FBXO47: variants seen among roughly 807,000 people sequenced by gnomAD.
FBXO47 encodes the protein F-box protein 47.
FBXO47 carries 34 observed loss-of-function variants against 53.9 expected under a neutral mutation model. That is an observed-to-expected ratio of 0.63 (90% CI 0.48 to 0.84). The LOEUF (loss-of-function observed/expected upper bound fraction) is 0.84. Among genes scored for constraint, FBXO47 ranks in the 40% least tolerant of loss-of-function variants. FBXO47 has a pLI of 0.00. For synonymous variants in FBXO47, 165 were observed against 181.6 expected, an observed-to-expected ratio of 0.91 and a Z score of 0.73; for missense variants, 485 against 541.3, an observed-to-expected ratio of 0.90 and a Z score of 1.03.
rs755724306 is a variant in FBXO47, at chr17:38,965,571, TATC to T, written c.-27+1655_-27+1657del. 4.6e-5 allele frequency among the ~76,000 whole-genome samples: 7 copies of T among 151,832 alleles called. 1 individual carries two copies. In the South Asian group the frequency reaches 1.5e-3, roughly 32 times the overall value. On this transcript the variant is annotated intron_variant, in intron 1 of 10. Coordinates refer to ENST00000378079, the MANE Select transcript of FBXO47 (RefSeq NM_001008777.3). ...CTTAAATTAGGAGGTATTTTAAAAT[TATC>T]ATTAAAATTACACAAATAGGCCGGG...
chr17:38,951,434 T>A, intron 6 of FBXO47, 147 bp downstream of exon 6: 1 of 550,866 alleles, frequency 1.8e-6, no homozygotes, highest in Non-Finnish European at 3.2e-6. Context: ...ACTCAAGTGA[T>A]CCTCCCACCT....
At chr17:38,941,620 T>TTTTATATATATATATATATATA (rs1555560016) in intron 9 of FBXO47, among the ~76,000 whole-genome samples, 1 of 115,180 alleles carries the variant, frequency 8.7e-6, no homozygotes, top group African/African-American at 3.1e-5. Flanking sequence ...AAATATAATA[T>TTTTATATATATATATATATATA]TATATATATA....
At chr17:38,946,732 AAAT>A (rs375548440) in intron 6 of FBXO47, among the ~76,000 whole-genome samples, 7 of 98 alleles carry the variant, frequency 0.071, 3 homozygotes, top group East Asian at 0.58. Flanking sequence ...AAATATATAT[AAAT>A]ATATATAAAT....
intron 9 of FBXO47, among the ~76,000 whole-genome samples, chr17:38,940,708 C>T (rs547608993): frequency 5.9e-5 from 9 of 152,074 alleles, no homozygotes; most frequent in African/African-American, 2.2e-4. Flanking sequence ...CAGGGTCTCC[C>T]TCTGCTATGC....
At chr17:38,939,774 T>C (rs912263535) in intron 9 of FBXO47, among the ~76,000 whole-genome samples, 1 of 148,544 alleles carries the variant, frequency 6.7e-6, no homozygotes, top group African/African-American at 2.5e-5. Flanking sequence ...TTCACGCCAT[T>C]CTCCTGCCTC....
intron 3 of FBXO47, among the ~76,000 whole-genome samples, chr17:38,960,630 CTTT>C (rs947161295): frequency 3.8e-5 from 5 of 132,506 alleles, no homozygotes; most frequent in African/African-American, 5.6e-5. Context: ...AATTCTTTCT[CTTT>C]TTTTTTTTTT....
At chr17:38,944,191 ATGTGTGTGTGTGTGTGTGTG>A (rs71141737) in intron 7 of FBXO47, among the ~76,000 whole-genome samples, 2 of 133,614 alleles carry the variant, frequency 1.5e-5, no homozygotes, top group Non-Finnish European at 3.2e-5. Flanking sequence ...CAAAAAAAAC[ATGTGTGTGTGTGTGTGTGTG>A]TGTGTGTGTG....
chr17:38,942,568 T>G (rs1173655612), intron 9 of FBXO47, among the ~76,000 whole-genome samples: 1 of 152,172 alleles, frequency 6.6e-6, no homozygotes, highest in Non-Finnish European at 1.5e-5. Flanking sequence ...CACTCCAGCC[T>G]GGACAAAAGA....
chr17:38,941,569 G>A (rs1293954697), intron 9 of FBXO47, among the ~76,000 whole-genome samples: 2 of 146,672 alleles, frequency 1.4e-5, no homozygotes, highest in Non-Finnish European at 3.0e-5. Context: ...ATGGCCCATA[G>A]TAAGCACTCA....
Position 38,936,699 on chromosome 17 carries a change from G to GC in FBXO47, c.*475_*476insG, listed in dbSNP as rs1915589402. ...TTTGTAAGCATATGCCAAGAAGGTAGTAAAAACTGTGATTTGTATTCTACA... is the reference window on the plus strand; with the variant it reads ...TTTGTAAGCATATGCCAAGAAGGTAGCTAAAAACTGTGATTTGTATTCTACA... On this transcript the variant is annotated 3_prime_UTR_variant, in exon 11 of 11. Coordinates refer to ENST00000378079, the MANE Select transcript of FBXO47 (RefSeq NM_001008777.3). 6.6e-6 allele frequency: 1 copy of GC among 152,280 alleles called. No homozygotes were observed. The highest frequency in any genetic ancestry group is 2.4e-5 in the African/African-American group (1 of 41,392). 9.4% of individuals were successfully genotyped at this position (152,280 alleles called of 1,614,324 possible). A position where few individuals can be genotyped will look rare whatever the true frequency, so the allele number is the denominator to read the frequency against.
At chr17:38,941,799 G>GA in intron 9 of FBXO47, among the ~76,000 whole-genome samples, 1 of 150,998 alleles carries the variant, frequency 6.6e-6, no homozygotes, top group Non-Finnish European at 1.5e-5. Flanking sequence ...TCAGCCTCCT[G>GA]AGTAGCTGGG....
intron 6 of FBXO47, among the ~76,000 whole-genome samples, chr17:38,945,949 ATAT>A (rs1193011254): frequency 1.1e-5 from 1 of 93,080 alleles, no homozygotes; most frequent in African/African-American, 3.7e-5. Context: ...AAAAAAAAAA[ATAT>A]ATATATATAT....
chr17:38,962,090 T>C (rs976487777), intron 2 of FBXO47, 43 bp from the exon 3 acceptor site: 1 of 1,482,146 alleles, frequency 6.7e-7, no homozygotes. Flanking sequence ...ATGGCTTAAA[T>C]GCAAGAACGT....
At chr17:38,961,442 T>C (rs923374660) in intron 3 of FBXO47, among the ~76,000 whole-genome samples, 1 of 152,214 alleles carries the variant, frequency 6.6e-6, no homozygotes, top group Admixed American at 6.6e-5. Context: ...TTAGTAAATG[T>C]ACTTAAAAAA....
intron 3 of FBXO47, 80 bp from the exon 4 acceptor site, chr17:38,957,333 G>A (rs1905603309): frequency 5.0e-6 from 5 of 991,540 alleles, no homozygotes; most frequent in Non-Finnish European, 7.9e-6. Context: ...AATGTTTCCT[G>A]AAAGTCAAGT....
rs1904701922 is a variant in FBXO47 at position 38,945,235 on chromosome 17, T to C, written c.617-99A>G. On this transcript the variant is annotated intron_variant, in intron 6 of 10. Coordinates refer to ENST00000378079, the MANE Select transcript of FBXO47 (RefSeq NM_001008777.3). ...ACTTATTAATCATTATGGTTAGTGATAGTAAACTAGGTTTCTAAACAGGAA... is the reference window on the plus strand; with the variant it reads ...ACTTATTAATCATTATGGTTAGTGACAGTAAACTAGGTTTCTAAACAGGAA... 6.1e-6 allele frequency: 5 copies of C among 814,620 alleles called. No individual in the cohort carries two copies. The Admixed American group carries it at 1.2e-4, about 19-fold the overall frequency. The allele number at this position is 814,620 out of a possible 1,614,324, so 50.5% of individuals were successfully genotyped here. A position where few individuals can be genotyped will look rare whatever the true frequency, so the allele number is the denominator to read the frequency against.
intron 10 of FBXO47, 50 bp downstream of exon 10, chr17:38,938,523 C>G (rs747915577): frequency 1.5e-6 from 2 of 1,377,452 alleles, no homozygotes; most frequent in East Asian, 4.7e-5. Flanking sequence ...TAGGTGGAGA[C>G]TAGAGCGCAT....
At chr17:38,952,279 G>A (rs946727828) in intron 5 of FBXO47, among the ~76,000 whole-genome samples, 4 of 152,012 alleles carry the variant, frequency 2.6e-5, no homozygotes, top group Non-Finnish European at 4.4e-5. Context: ...CCAAGATTGC[G>A]CCACTGCACT....
Position 38,946,909 on chromosome 17 carries a change from T to C in FBXO47, c.617-1773A>G, listed in dbSNP as rs1278081119. Among the ~76,000 whole-genome samples the C allele has an allele frequency of 8.1e-3, 963 of 118,712 alleles. 25 individuals carry two copies. Among genetic ancestry groups the C allele is most frequent in the African/African-American group, 0.032 (920 of 28,326 alleles). The allele number at this position is 118,712 out of a possible 152,430, so 77.9% of individuals were successfully genotyped here. A position where few individuals can be genotyped will look rare whatever the true frequency, so the allele number is the denominator to read the frequency against. Reference sequence around the variant, plus strand: ...ATATATATATAAACATATATAAATATATATAAACATATATAAACATATAAA... The same window carrying C: ...ATATATATATAAACATATATAAATACATATAAACATATATAAACATATAAA... On this transcript the variant is annotated intron_variant, in intron 6 of 10. Coordinates refer to ENST00000378079, the MANE Select transcript of FBXO47 (RefSeq NM_001008777.3).
Sources: gnomAD v4.1 joint callset for allele counts (sites outside exome capture counted in the v4.1 genomes callset) on GRCh38, gnomAD v4.1.1 for gene constraint, MANE v1.5 for transcripts, NCBI Gene and HGNC (gene_info 2026-07-23, HGNC 2026-07-21) for gene names.